The following KANSL1 variants were observed in gnomAD, a reference collection of about 807,000 sequenced individuals.
KANSL1 encodes KAT8 regulatory NSL complex subunit 1, also known as MLL1/MLL complex subunit KANSL1.
A neutral mutation model predicts 103.6 loss-of-function variants in KANSL1; 22 were observed. That is an observed-to-expected ratio of 0.21 (90% CI 0.15 to 0.30). KANSL1 has a LOEUF of 0.30. Among genes scored for constraint, KANSL1 ranks in the 10% least tolerant of loss-of-function variants. The probability of loss-of-function intolerance (pLI) is 1.00; values close to 1 mark genes in which losing one functional copy is unlikely to be tolerated. For missense variants in KANSL1, 1,337 were observed against 1,399.8 expected (o/e 0.96, Z 0.72); for synonymous variants, 600 against 527.6 (o/e 1.14, Z -1.88).
At chr17:46,175,606 T>A (rs1463372833) in intron 1 of KANSL1, among the ~76,000 whole-genome samples, 5 of 152,214 alleles carry the variant, frequency 3.3e-5, no homozygotes, top group Admixed American at 1.3e-4. Context: ...TGCCTCAGCA[T>A]CCCAAAGTGC....
chr17:46,174,554 T>C (rs1027218383), intron 1 of KANSL1, among the ~76,000 whole-genome samples: 3 of 152,256 alleles, frequency 2.0e-5, no homozygotes, highest in African/African-American at 7.2e-5. Context: ...GAATTTTTGA[T>C]TGCATATAAT....
chr17:46,220,042 G>A (rs2048474677), intron 1 of KANSL1, among the ~76,000 whole-genome samples: 2 of 151,946 alleles, frequency 1.3e-5, no homozygotes, highest in African/African-American at 4.8e-5. Flanking sequence ...GGCACAGTTT[G>A]CAGTGAGCCG....
chr17:46,031,640 C>T lies in KANSL1; in HGVS notation c.3154G>A (p.Asp1052Asn), dbSNP rs1037675968. The change falls in exon 15 of 15, where the codon GAC (aspartate) becomes AAC (asparagine). Residue 1052 changes from aspartate to asparagine, a missense_variant. Physicochemically the swap from Asp to Asn is conservative, Grantham distance 23. Around this residue, in one of 2 missense-constraint regions of KANSL1, gnomAD observed 780 missense variants for 923.4 expected, o/e 0.84. Transcript: ENST00000432791. ...LAHSPQAECEDQLDAQERAAR... is the reference protein window; with the variant it reads ...LAHSPQAECENQLDAQERAAR... ...GCTCGCTCCTGTGCATCCAGCTGGT[C>T]CTCACACTCCGCCTGGGGACTGTGC... 8.1e-6 allele frequency: 13 copies of T among 1,613,770 alleles called. No homozygotes were observed. The highest frequency in any genetic ancestry group is 1.1e-5 in the South Asian group (1 of 91,082).
At chr17:46,142,262 C>G (rs1439573855) in intron 2 of KANSL1, among the ~76,000 whole-genome samples, 1 of 152,180 alleles carries the variant, frequency 6.6e-6, no homozygotes, top group Non-Finnish European at 1.5e-5. Flanking sequence ...CTAACTTATC[C>G]AAGTTTGACT....
At chr17:46,145,940 G>T (rs951229172) in intron 2 of KANSL1, among the ~76,000 whole-genome samples, 2 of 152,164 alleles carry the variant, frequency 1.3e-5, no homozygotes, top group Non-Finnish European at 2.9e-5. Flanking sequence ...TGTTGGCTAG[G>T]CTGGTCTCAA....
chr17:46,082,272 T>C lies in KANSL1; in HGVS notation c.1533+169A>G, dbSNP rs557620559. 5.3e-5 allele frequency among the ~76,000 whole-genome samples: 8 copies of C among 152,302 alleles called. No homozygotes were observed. In the South Asian group the frequency reaches 1.5e-3, roughly 28 times the overall value. Reference sequence around the variant, plus strand: ...AGCTACACAGCTGCAGGATGGGCCCTAGATTCCCTATTCAGGAATTCAGAT... The same window carrying C: ...AGCTACACAGCTGCAGGATGGGCCCCAGATTCCCTATTCAGGAATTCAGAT... On this transcript the variant is annotated intron_variant, in intron 4 of 14. Coordinates refer to ENST00000432791, the MANE Select transcript of KANSL1 (RefSeq NM_015443.4).
chr17:46,037,998 T>C (rs2077198952), intron 10 of KANSL1: 1 of 153,236 alleles, frequency 6.5e-6, no homozygotes, highest in East Asian at 1.9e-4. Context: ...AATTCTGCTC[T>C]GTATACCTAA....
intron 1 of KANSL1, among the ~76,000 whole-genome samples, chr17:46,172,464 T>C (rs2046335660): frequency 6.6e-6 from 1 of 152,234 alleles, no homozygotes; most frequent in South Asian, 2.1e-4. Flanking sequence ...TCTTGTCATT[T>C]GTTACCACAG....
intron 2 of KANSL1, among the ~76,000 whole-genome samples, chr17:46,142,435 C>A (rs551852965): frequency 1.3e-5 from 2 of 152,206 alleles, no homozygotes; most frequent in South Asian, 4.1e-4. Flanking sequence ...GGCAACAGAG[C>A]AAAACCCCAT....
Position 46,031,418 on chromosome 17 carries a change from G to GA in KANSL1, c.*57dup. ...ATGATGTTTGAATATCAAACGCAGA[G>GA]ATTTCTGAAGCTTTAATGCCAATAG... On this transcript the variant is annotated 3_prime_UTR_variant, in exon 15 of 15. Coordinates refer to ENST00000432791, the MANE Select transcript of KANSL1 (RefSeq NM_015443.4). The GA allele has an allele frequency of 6.8e-7, 1 of 1,460,046 alleles. No individual in the cohort carries two copies. Among genetic ancestry groups the GA allele is most frequent in the Non-Finnish European group, 9.3e-7 (1 of 1,076,962 alleles). The allele number at this position is 1,460,046 out of a possible 1,614,324, so 90.4% of individuals were successfully genotyped here.
chr17:46,101,320 C>G (rs187704976), intron 2 of KANSL1, among the ~76,000 whole-genome samples: 441 of 152,264 alleles, frequency 2.9e-3, no homozygotes, highest in Non-Finnish European at 5.1e-3. Context: ...CAAGTTCTCA[C>G]TTTTACTTAC....
At chr17:46,166,065 A>G (rs1271581587) in intron 2 of KANSL1, among the ~76,000 whole-genome samples, 9 of 151,488 alleles carry the variant, frequency 5.9e-5, no homozygotes, top group Non-Finnish European at 1.5e-5. Flanking sequence ...TACAAAAATT[A>G]GCCAGGCATG....
intron 6 of KANSL1, among the ~76,000 whole-genome samples, chr17:46,059,628 C>CAAA (rs146430605): frequency 5.4e-5 from 4 of 74,350 alleles, no homozygotes; most frequent in African/African-American, 2.4e-4. Flanking sequence ...GCTCTGACTC[C>CAAA]AAAAAAAAAA....
chr17:46,032,906 T>C (rs2077048970), intron 13 of KANSL1, 174 bp downstream of exon 13: 2 of 594,574 alleles, frequency 3.4e-6, no homozygotes, highest in Admixed American at 3.2e-5. Flanking sequence ...TAGTTCCATG[T>C]ATCTCCACTA....
At chr17:46,130,416 A>G (rs1259077913) in intron 2 of KANSL1, among the ~76,000 whole-genome samples, 1 of 152,236 alleles carries the variant, frequency 6.6e-6, no homozygotes, top group Non-Finnish European at 1.5e-5. Flanking sequence ...TAAAGAAACA[A>G]CACTTTCAGA....
At chr17:46,098,370 C>T (rs887086848) in intron 2 of KANSL1, among the ~76,000 whole-genome samples, 3 of 152,258 alleles carry the variant, frequency 2.0e-5, no homozygotes, top group African/African-American at 4.8e-5. Flanking sequence ...CTCTTCCCAA[C>T]ACCAGTCAAT....
At chr17:46,086,878 G>C (rs2079183624) in intron 3 of KANSL1, among the ~76,000 whole-genome samples, 1 of 152,112 alleles carries the variant, frequency 6.6e-6, no homozygotes, top group Admixed American at 6.6e-5. Flanking sequence ...CCAGGAGAGA[G>C]AGAGAGATAC....
chr17:46,082,396 C>T lies in KANSL1; in HGVS notation c.1533+45G>A, dbSNP rs779153614. The T allele has an allele frequency of 1.2e-4, 158 of 1,285,788 alleles. 1 individual carries two copies. Among genetic ancestry groups the T allele is most frequent in the South Asian group, 4.0e-4 (33 of 82,496 alleles). The allele number at this position is 1,285,788 out of a possible 1,614,324, so 79.6% of individuals were successfully genotyped here. A position where few individuals can be genotyped will look rare whatever the true frequency, so the allele number is the denominator to read the frequency against. On this transcript the variant is annotated intron_variant, in intron 4 of 14. Coordinates refer to ENST00000432791, the MANE Select transcript of KANSL1 (RefSeq NM_015443.4). The stretch of plus-strand genomic sequence containing the variant: ...GAAAAAACGGTGTGCCAAGACAACA[C>T]CCTTAATTCTCACGCATTTCCCCCT...
intron 2 of KANSL1, among the ~76,000 whole-genome samples, chr17:46,097,808 C>T (rs2146978207): frequency 6.6e-6 from 1 of 150,976 alleles, no homozygotes; most frequent in South Asian, 2.1e-4. Context: ...GGGCAAAATA[C>T]AAAATGTCAA....
Sources: gnomAD v4.1 joint callset for allele counts (sites outside exome capture counted in the v4.1 genomes callset) on GRCh38, gnomAD v4.1.1 for gene constraint, gnomAD v4.1.1 regional missense constraint, MANE v1.5 for transcripts, NCBI Gene and HGNC (gene_info 2026-07-23, HGNC 2026-07-21) for gene names.